The following OPCML variants were observed in gnomAD, a reference collection of about 807,000 sequenced individuals.
OPCML encodes the protein opioid-binding protein/cell adhesion molecule.
Under a neutral mutation model 37.8 loss-of-function variants are expected in OPCML, and 13 were observed. That is an observed-to-expected ratio of 0.34 (90% CI 0.22 to 0.55). The LOEUF (loss-of-function observed/expected upper bound fraction) is 0.55. Ranked by LOEUF, OPCML falls within the 20% of genes least tolerant of loss-of-function variation. The pLI is 0.91. For missense variants in OPCML, 341 were observed against 435.6 expected, an observed-to-expected ratio of 0.78 and a Z score of 1.93; for synonymous variants, 176 against 168.8, an observed-to-expected ratio of 1.04 and a Z score of -0.33.
chr11:133,233,982 G>T (rs756352916), intron 1 of OPCML, among the ~76,000 whole-genome samples: 2 of 152,102 alleles, frequency 1.3e-5, no homozygotes, highest in Non-Finnish European at 1.5e-5. Context: ...CTTGCTCACT[G>T]TTCCAGCTAT....
chr11:132,623,052 C>T (rs544871399), intron 3 of OPCML, among the ~76,000 whole-genome samples: 1 of 152,190 alleles, frequency 6.6e-6, no homozygotes, highest in East Asian at 1.9e-4. Context: ...ATTTTATTAT[C>T]AGTTTGGGCT....
chr11:133,334,229 G>A (rs1297551738), intron 1 of OPCML, among the ~76,000 whole-genome samples: 8 of 152,058 alleles, frequency 5.3e-5, no homozygotes, highest in Non-Finnish European at 8.8e-5. Context: ...CAGCAAAGAC[G>A]TGGAATCAAC....
At chr11:132,831,931 T>C (rs1451364814) in intron 2 of OPCML, among the ~76,000 whole-genome samples, 2 of 152,080 alleles carry the variant, frequency 1.3e-5, no homozygotes, top group Non-Finnish European at 2.9e-5. Flanking sequence ...CTCTTCATTT[T>C]CCTTCTTTTG....
intron 1 of OPCML, among the ~76,000 whole-genome samples, chr11:133,284,542 A>G (rs1942246070): frequency 6.6e-6 from 1 of 152,226 alleles, no homozygotes; most frequent in Non-Finnish European, 1.5e-5. Context: ...AAGGGCGGCA[A>G]CAAATGGGAA....
intron 1 of OPCML, among the ~76,000 whole-genome samples, chr11:133,265,007 C>A (rs963665671): frequency 6.6e-6 from 1 of 152,186 alleles, no homozygotes; most frequent in East Asian, 1.9e-4. Context: ...AGGGTCCTAC[C>A]GAGAGGCCTC....
intron 2 of OPCML, among the ~76,000 whole-genome samples, chr11:132,799,791 T>C (rs2136199725): frequency 6.6e-6 from 1 of 152,304 alleles, no homozygotes; most frequent in South Asian, 2.1e-4. Context: ...CCTGTTTATG[T>C]CTGTTCTTAT....
Position 132,611,953 on chromosome 11 carries a change from A to G in OPCML, c.379+45134T>C, listed in dbSNP as rs560475237. Among the ~76,000 whole-genome samples, 19 of 152,252 alleles carry G rather than the reference A, an allele frequency of 1.2e-4. No homozygotes were observed. In the South Asian group the frequency reaches 3.9e-3, roughly 32 times the overall value. The stretch of plus-strand genomic sequence containing the variant: ...TCATTTACAGTAGCGACCGGAGGAG[A>G]CGTTCCACAGGAAAAACAGCCTGCC... On this transcript the variant is annotated intron_variant, in intron 3 of 7. Coordinates refer to ENST00000524381, the MANE Select transcript of OPCML (RefSeq NM_001012393.5).
chr11:133,345,770 G>GT (rs1423165742), intron 1 of OPCML, among the ~76,000 whole-genome samples: 1 of 152,124 alleles, frequency 6.6e-6, no homozygotes, highest in East Asian at 1.9e-4. Flanking sequence ...GTATCTTCTA[G>GT]GCTCAAGCCC....
intron 2 of OPCML, among the ~76,000 whole-genome samples, chr11:132,880,866 T>C (rs1237085644): frequency 6.6e-6 from 1 of 152,176 alleles, no homozygotes; most frequent in East Asian, 1.9e-4. Flanking sequence ...GTCTCCATAT[T>C]TCTTCCCGTG....
chr11:133,141,509 T>G, intron 1 of OPCML, among the ~76,000 whole-genome samples: 1 of 152,156 alleles, frequency 6.6e-6, no homozygotes, highest in African/African-American at 2.4e-5. Flanking sequence ...TCTATCTGTC[T>G]TCAGCCTGTC....
intron 3 of OPCML, among the ~76,000 whole-genome samples, chr11:132,639,618 C>A (rs1186048429): frequency 6.6e-6 from 1 of 152,152 alleles, no homozygotes; most frequent in Non-Finnish European, 1.5e-5. Context: ...GTTTGCAGGC[C>A]GACTAAATGT....
chr11:132,505,321 A>T (rs2137146205), intron 4 of OPCML, among the ~76,000 whole-genome samples: 1 of 152,326 alleles, frequency 6.6e-6, no homozygotes, highest in African/African-American at 2.4e-5. Context: ...TCTATTGTAC[A>T]GCAGTGTGAA....
chr11:133,030,634 A>G (rs958122709), intron 1 of OPCML, among the ~76,000 whole-genome samples: 2 of 152,248 alleles, frequency 1.3e-5, no homozygotes, highest in African/African-American at 4.8e-5. Context: ...TATAAAATGC[A>G]GCCCCCTGCT....
Position 133,161,952 on chromosome 11 carries a change from C to A in OPCML, c.62-218942G>T, listed in dbSNP as rs969618292. Among the ~76,000 whole-genome samples the A allele has an allele frequency of 3.5e-5, 5 of 141,384 alleles. No individual in the cohort carries two copies. The East Asian group carries it at 8.7e-4, about 25-fold the overall frequency. The allele number at this position is 141,384 out of a possible 152,430, so 92.8% of individuals were successfully genotyped here. A position where few individuals can be genotyped will look rare whatever the true frequency, so the allele number is the denominator to read the frequency against. ...TTCCTTGCTAGATCAGGGATAACCA[C>A]AACAAGTAACAGGTAAGAGAGGCAG... On this transcript the variant is annotated intron_variant, in intron 1 of 7. Coordinates refer to ENST00000524381, the MANE Select transcript of OPCML (RefSeq NM_001012393.5).
At chr11:132,833,823 A>G (rs1379452309) in intron 2 of OPCML, among the ~76,000 whole-genome samples, 1 of 152,262 alleles carries the variant, frequency 6.6e-6, no homozygotes, top group Admixed American at 6.5e-5. Context: ...ATCGTTACGC[A>G]GCACTGTATT....
chr11:132,676,349 A>C (rs1942700227), intron 2 of OPCML, among the ~76,000 whole-genome samples: 1 of 152,162 alleles, frequency 6.6e-6, no homozygotes, highest in African/African-American at 2.4e-5. Flanking sequence ...GAAAACATAG[A>C]CATAGTCTTT....
chr11:132,897,162 C>T (rs370047859), intron 2 of OPCML, among the ~76,000 whole-genome samples: 3 of 152,158 alleles, frequency 2.0e-5, no homozygotes, highest in Non-Finnish European at 4.4e-5. Flanking sequence ...TGGCAGATAG[C>T]GATGCTGTTT....
At chr11:132,708,470 C>T (rs969789562) in intron 2 of OPCML, among the ~76,000 whole-genome samples, 1 of 152,072 alleles carries the variant, frequency 6.6e-6, no homozygotes, top group African/African-American at 2.4e-5. Context: ...AGTTAGGATG[C>T]AATTTGGGAT....
At chr11:133,007,407 A>G in intron 1 of OPCML, 1 of 985,454 alleles carries the variant, frequency 1.0e-6, no homozygotes, top group Middle Eastern at 5.2e-4. Context: ...GCCCCATTAA[A>G]GAGTCAAAGA....
Sources: gnomAD v4.1 joint callset for allele counts (sites outside exome capture counted in the v4.1 genomes callset) on GRCh38, gnomAD v4.1.1 for gene constraint, MANE v1.5 for transcripts, NCBI Gene and HGNC (gene_info 2026-07-23, HGNC 2026-07-21) for gene names.